PTPRK: variants seen among roughly 807,000 people sequenced by gnomAD.
The protein encoded by PTPRK is protein tyrosine phosphatase receptor type K.
PTPRK carries 75 observed loss-of-function variants against 178.0 expected under a neutral mutation model. The observed-to-expected ratio is 0.42, with a 90% CI of 0.35 to 0.51. The LOEUF is 0.51. Ranked by LOEUF, PTPRK falls within the 20% of genes least tolerant of loss-of-function variation. The pLI, the probability that PTPRK is intolerant of heterozygous loss-of-function variation, is 0.02. For missense variants in PTPRK, 1,441 were observed against 1,797.8 expected (o/e 0.80, Z 3.59); for synonymous variants, 637 against 620.6 (o/e 1.03, Z -0.39).
intron 12 of PTPRK, 118 bp downstream of exon 12, chr6:128,067,401 T>A: frequency 8.5e-7 from 1 of 1,178,614 alleles, no homozygotes; most frequent in Non-Finnish European, 1.1e-6. Flanking sequence ...CAGAACCCCC[T>A]ACATGCAAAT....
intron 1 of PTPRK, among the ~76,000 whole-genome samples, chr6:128,407,163 T>C (rs1314112025): frequency 2.6e-5 from 4 of 152,226 alleles, no homozygotes; most frequent in Non-Finnish European, 4.4e-5. Flanking sequence ...CATCATTAGT[T>C]AGTATTTTAG....
intron 13 of PTPRK, among the ~76,000 whole-genome samples, chr6:128,050,928 A>T (rs1778896668): frequency 6.6e-6 from 1 of 152,166 alleles, no homozygotes; most frequent in Admixed American, 6.5e-5. Flanking sequence ...TTGTTCTTAG[A>T]TTTAAATTCT....
Position 128,082,636 on chromosome 6 carries a change from G to A in PTPRK, c.1578C>T (p.Ile526=), listed in dbSNP as rs749452894. ...DPNGIITQYE[I]SYSSIRSFDP... is the part of the protein sequence containing the mutation. ...CAAATGATCTTATACTGCTATAGCT[G>A]ATCTGTTTTAAGAAATACATTTATT... is the stretch of plus-strand genomic sequence containing the variant. Residue 526 remains isoleucine, a splice_region_variant and synonymous_variant, in exon 10 of 30, where the codon ATC becomes ATT. Coordinates refer to ENST00000368226, the MANE Select transcript of PTPRK (RefSeq NM_002844.4). 2 of 1,595,998 alleles carry A rather than the reference G, an allele frequency of 1.3e-6. No homozygotes were observed. Among genetic ancestry groups the A allele is most frequent in the Non-Finnish European group, 8.6e-7 (1 of 1,166,904 alleles).
At chr6:128,126,071 T>A (rs542636548) in intron 7 of PTPRK, among the ~76,000 whole-genome samples, 12 of 152,092 alleles carry the variant, frequency 7.9e-5, no homozygotes, top group East Asian at 7.7e-4. Flanking sequence ...TTTTTTTTTT[T>A]AAAGTTCTGG....
intron 2 of PTPRK, among the ~76,000 whole-genome samples, chr6:128,365,892 T>C (rs1835414560): frequency 6.6e-6 from 1 of 152,116 alleles, no homozygotes; most frequent in Non-Finnish European, 1.5e-5. Flanking sequence ...CTCCCAGAAG[T>C]GCTATGGATC....
chr6:127,988,616 G>A (rs916656098), intron 21 of PTPRK, among the ~76,000 whole-genome samples: 3 of 151,806 alleles, frequency 2.0e-5, no homozygotes, highest in South Asian at 2.1e-4. Context: ...CAGAAAATCC[G>A]TGTCCTAGAC....
chr6:128,520,170 C>G (rs944124884), intron 1 of PTPRK, 89 bp downstream of exon 1: 1 of 1,177,306 alleles, frequency 8.5e-7, no homozygotes, highest in Non-Finnish European at 1.2e-6. Context: ...TCCCCACGAT[C>G]CTTGTCCCCA....
chr6:128,213,358 T>C (rs1218721228), intron 6 of PTPRK, among the ~76,000 whole-genome samples: 1 of 152,058 alleles, frequency 6.6e-6, no homozygotes. Flanking sequence ...ATTTGGAGAC[T>C]CCTCCAAATT....
chr6:128,159,424 T>A (rs1798372428), intron 7 of PTPRK, among the ~76,000 whole-genome samples: 1 of 151,870 alleles, frequency 6.6e-6, no homozygotes, highest in South Asian at 2.1e-4. Flanking sequence ...TAAAAGAACC[T>A]ATCAATGAGG....
rs546655507 is a variant in PTPRK, at chr6:128,015,925, G to A, written c.2195-6657C>T. ...ACCACTTTGTATTATCAGCCTTCTTGATTTTTGTCACTTCAGTAGTAGAAA... is the reference window on the plus strand; with the variant it reads ...ACCACTTTGTATTATCAGCCTTCTTAATTTTTGTCACTTCAGTAGTAGAAA... On this transcript the variant is annotated intron_variant, in intron 13 of 29. Transcript: ENST00000368226. 1.6e-4 allele frequency among the ~76,000 whole-genome samples: 25 copies of A among 151,792 alleles called. No individual in the cohort carries two copies. In the South Asian group the frequency reaches 2.3e-3, roughly 14 times the overall value.
chr6:127,976,865 T>G, intron 26 of PTPRK, 58 bp downstream of exon 26: 2 of 1,610,430 alleles, frequency 1.2e-6, no homozygotes, highest in Non-Finnish European at 8.5e-7. Flanking sequence ...TTTTAGCAAT[T>G]CATTACTACT....
intron 7 of PTPRK, among the ~76,000 whole-genome samples, chr6:128,144,335 T>C (rs1400234722): frequency 2.0e-5 from 3 of 152,226 alleles, no homozygotes; most frequent in Non-Finnish European, 4.4e-5. Context: ...AATATTACAT[T>C]ACATTGCTTT....
intron 13 of PTPRK, among the ~76,000 whole-genome samples, chr6:128,009,775 T>C (rs2114720659): frequency 1.3e-5 from 2 of 151,332 alleles, no homozygotes; most frequent in African/African-American, 2.4e-5. Flanking sequence ...TTAATATATA[T>C]AATTTGAGAT....
At chr6:128,263,872 A>C (rs1818547945) in intron 3 of PTPRK, among the ~76,000 whole-genome samples, 1 of 152,138 alleles carries the variant, frequency 6.6e-6, no homozygotes, top group African/African-American at 2.4e-5. Context: ...TGGGACTCTA[A>C]GGGCTTCCCA....
chr6:128,474,070 C>T (rs1274840158), intron 1 of PTPRK, among the ~76,000 whole-genome samples: 1 of 151,882 alleles, frequency 6.6e-6, no homozygotes, highest in Non-Finnish European at 1.5e-5. Flanking sequence ...GGACTGATAA[C>T]TAAATTATTT....
At chr6:128,139,795 T>G (rs760130176) in intron 7 of PTPRK, among the ~76,000 whole-genome samples, 2 of 152,096 alleles carry the variant, frequency 1.3e-5, no homozygotes, top group African/African-American at 2.4e-5. Context: ...TCTGTTCTAC[T>G]TCTCCCAATC....
At chr6:128,063,957 T>A (rs1781313497) in intron 13 of PTPRK, among the ~76,000 whole-genome samples, 1 of 152,206 alleles carries the variant, frequency 6.6e-6, no homozygotes, top group Non-Finnish European at 1.5e-5. Context: ...CTGCTACTAA[T>A]TCCGGCAGCA....
chr6:128,236,653 T>G (rs1020470788), intron 5 of PTPRK, among the ~76,000 whole-genome samples: 5 of 152,132 alleles, frequency 3.3e-5, no homozygotes, highest in Non-Finnish European at 5.9e-5. Flanking sequence ...GACCCTAAAT[T>G]TCTTTTAGTG....
chr6:128,044,998 T>G (rs1211181218), intron 13 of PTPRK, among the ~76,000 whole-genome samples: 1 of 151,966 alleles, frequency 6.6e-6, no homozygotes, highest in Non-Finnish European at 1.5e-5. Context: ...ATAAATTTGT[T>G]GGGGAAAATC....
Sources: allele counts gnomAD v4.1 joint callset (sites outside exome capture counted in the v4.1 genomes callset), GRCh38; gene constraint gnomAD v4.1.1; transcripts MANE v1.5; gene names NCBI Gene and HGNC (gene_info 2026-07-23, HGNC 2026-07-21).